COL6A5: variants seen among roughly 807,000 people sequenced by gnomAD.
COL6A5 encodes the protein collagen alpha-5(VI) chain.
A neutral mutation model predicts 65.6 loss-of-function variants in COL6A5; 48 were observed. The ratio of observed to expected loss-of-function variants is 0.73; its 90% CI spans 0.58 to 0.93. The LOEUF is 0.93. Among genes scored for constraint, COL6A5 ranks in the 40% least tolerant of loss-of-function variants. The pLI is 0.00. For missense variants in COL6A5, 914 were observed against 928.3 expected (o/e 0.98, Z 0.20); for synonymous variants, 291 against 322.8 (o/e 0.90, Z 1.05).
chr3:130,467,219 C>G lies in COL6A5; in HGVS notation c.1545-1576C>G, dbSNP rs57044703. On this transcript the variant is annotated intron_variant, in intron 5 of 7. Coordinates refer to ENST00000512836, the Ensembl canonical transcript of COL6A5. ...CAAATCTGGATAATTGGGATATCTG[C>G]GAATAACATGGTGGTTAACAGAAGC... Among the ~76,000 whole-genome samples, 187 of 151,720 alleles carry G rather than the reference C, an allele frequency of 1.2e-3. 1 individual carries two copies. The highest frequency in any genetic ancestry group is 4.3e-3 in the African/African-American group (179 of 41,372).
chr3:130,400,297 A>G (rs191507572), intron 10 of COL6A5, among the ~76,000 whole-genome samples: 73 of 152,316 alleles, frequency 4.8e-4, no homozygotes, highest in African/African-American at 1.7e-3. Context: ...TGTTTCTCAG[A>G]GCAACTATCT....
chr3:130,352,821 AAACAG>A (rs1392038640), intron 1 of COL6A5, among the ~76,000 whole-genome samples: 2 of 152,210 alleles, frequency 1.3e-5, no homozygotes, highest in Non-Finnish European at 2.9e-5. Context: ...CAAATTTTGC[AAACAG>A]CAGGGTGATG....
chr3:130,388,653 G>A (rs774042688), exon 6 of COL6A5: 2 of 1,550,906 alleles, frequency 1.3e-6, no homozygotes, highest in African/African-American at 2.7e-5. Context: ...AAAATTTTAG[G>A]AAAATGAAAA....
At chr3:130,395,935 C>T (rs975475269) in intron 8 of COL6A5, among the ~76,000 whole-genome samples, 2 of 151,938 alleles carry the variant, frequency 1.3e-5, no homozygotes, top group African/African-American at 4.8e-5. Context: ...TATTTTTCTT[C>T]TTTTAATGAT....
chr3:130,442,152 AT>A (rs1709197404), intron 3 of COL6A5, among the ~76,000 whole-genome samples: 1 of 152,156 alleles, frequency 6.6e-6, no homozygotes, highest in Non-Finnish European at 1.5e-5. Flanking sequence ...AAGGAAAAAA[AT>A]GTTTCCAATT....
chr3:130,384,272 A>G (rs2107645991), intron 4 of COL6A5, among the ~76,000 whole-genome samples: 1 of 152,196 alleles, frequency 6.6e-6, no homozygotes, highest in South Asian at 2.1e-4. Flanking sequence ...ATAGAGTCAG[A>G]GAGAAAAGCA....
At chr3:130,410,749 A>G (rs1430780960) in intron 20 of COL6A5, among the ~76,000 whole-genome samples, 1 of 152,144 alleles carries the variant, frequency 6.6e-6, no homozygotes, top group African/African-American at 2.4e-5. Context: ...ACCCACTAGT[A>G]TCAGTAGCAC....
exon 6 of COL6A5, chr3:130,468,834 C>A: frequency 6.2e-7 from 1 of 1,610,836 alleles, no homozygotes; most frequent in South Asian, 1.1e-5. Flanking sequence ...CCAGATCATA[C>A]TTATGAACCT....
intron 4 of COL6A5, among the ~76,000 whole-genome samples, chr3:130,448,987 T>C (rs1709365907): frequency 6.6e-6 from 1 of 152,212 alleles, no homozygotes; most frequent in Non-Finnish European, 1.5e-5. Context: ...ACAGCATTAA[T>C]GGCCCTTAAA....
At chr3:130,410,391 T>C in intron 19 of COL6A5, 80 bp from the exon 20 acceptor site, 1 of 997,822 alleles carries the variant, frequency 1.0e-6, no homozygotes, top group Non-Finnish European at 1.5e-6. Flanking sequence ...TTAATAGTGC[T>C]TGAGGTTTTG....
At chr3:130,412,347 A>G (rs763526908) in intron 20 of COL6A5, among the ~76,000 whole-genome samples, 1 of 152,182 alleles carries the variant, frequency 6.6e-6, no homozygotes, top group Non-Finnish European at 1.5e-5. Flanking sequence ...ACTAAGTGGC[A>G]CAGCTGGGAT....
chr3:130,390,712 T>G (rs192326791), intron 6 of COL6A5, among the ~76,000 whole-genome samples: 17 of 152,296 alleles, frequency 1.1e-4, no homozygotes, highest in Admixed American at 1.0e-3. Context: ...GGTCCAAAGA[T>G]ACCTGGAGCC....
intron 1 of COL6A5, 79 bp from the exon 34 acceptor site, chr3:130,439,443 T>A: frequency 9.5e-7 from 1 of 1,047,218 alleles, no homozygotes; most frequent in South Asian, 1.4e-5. Context: ...GGGTGTTTTT[T>A]AAACTAATCC....
At chr3:130,410,794 A>G (rs1937149913) in intron 20 of COL6A5, among the ~76,000 whole-genome samples, 1 of 152,218 alleles carries the variant, frequency 6.6e-6, no homozygotes, top group Non-Finnish European at 1.5e-5. Flanking sequence ...GACATTCACA[A>G]GCGTCTCTAA....
chr3:130,433,980 C>CA (rs71158193), intron 1 of COL6A5, among the ~76,000 whole-genome samples: 20,653 of 148,248 alleles, frequency 0.14, 1,861 homozygotes, highest in East Asian at 0.33. Flanking sequence ...AAAACAAAAA[C>CA]AAAAAAAACA....
exon 11 of COL6A5, chr3:130,401,151 G>A (rs1176342316): frequency 6.5e-7 from 1 of 1,544,610 alleles, no homozygotes; most frequent in Admixed American, 2.0e-5. Flanking sequence ...AGAGAACTGG[G>A]CAAAAAACTA....
chr3:130,471,070 GTT>G (rs766289122), intron 7 of COL6A5, 103 bp downstream of exon 39: 1 of 682,892 alleles, frequency 1.5e-6, no homozygotes, highest in Non-Finnish European at 2.5e-6. Context: ...CCAAGTGTGT[GTT>G]TTTGTGTGTG....
intron 1 of COL6A5, among the ~76,000 whole-genome samples, chr3:130,348,172 G>C (rs928042615): frequency 6.6e-6 from 1 of 152,186 alleles, no homozygotes; most frequent in South Asian, 2.1e-4. Context: ...TTGTTACATA[G>C]GTATACATGT....
At chr3:130,426,040 T>A (rs1937595472) in intron 29 of COL6A5, among the ~76,000 whole-genome samples, 174 bp from the exon 30 acceptor site, 1 of 152,192 alleles carries the variant, frequency 6.6e-6, no homozygotes, top group Non-Finnish European at 1.5e-5. Flanking sequence ...ACACCCTTGA[T>A]GTGAGTAGGG....
Sources: allele counts gnomAD v4.1 joint callset (sites outside exome capture counted in the v4.1 genomes callset), GRCh38; gene constraint gnomAD v4.1.1; transcripts MANE v1.5; gene names NCBI Gene and HGNC (gene_info 2026-07-23, HGNC 2026-07-21).